MSRA: variants seen among roughly 807,000 people sequenced by gnomAD.
MSRA encodes methionine sulfoxide reductase A.
Under a neutral mutation model 31.3 loss-of-function variants are expected in MSRA, and 54 were observed. The ratio of observed to expected loss-of-function variants is 1.73; its 90% CI spans 1.39 to 2.17. MSRA has a LOEUF of 2.17. Among genes scored for constraint, MSRA ranks in the 30% most tolerant of loss-of-function variants. The pLI is 0.00. For synonymous variants in MSRA, 169 were observed against 116.5 expected (o/e 1.45, Z -2.90); for missense variants, 507 against 300.9 (o/e 1.69, Z -5.07).
intron 1 of MSRA, among the ~76,000 whole-genome samples, chr8:10,090,654 A>G (rs939048331): frequency 6.6e-6 from 1 of 152,206 alleles, no homozygotes; most frequent in Non-Finnish European, 1.5e-5. Context: ...GTTCACTCCA[A>G]AAGGAAACCC....
At chr8:10,400,844 C>G (rs147968529) in intron 5 of MSRA, among the ~76,000 whole-genome samples, 1 of 152,164 alleles carries the variant, frequency 6.6e-6, no homozygotes, top group Non-Finnish European at 1.5e-5. Flanking sequence ...GAAGCTGGAT[C>G]CTTACCTCAC....
chr8:10,086,487 GT>G (rs1798563480), intron 1 of MSRA, among the ~76,000 whole-genome samples: 4 of 152,160 alleles, frequency 2.6e-5, no homozygotes, highest in Admixed American at 2.6e-4. Flanking sequence ...ACCTGGGATG[GT>G]TGCTTGAAAT....
chr8:10,146,341 A>G (rs1251299946), intron 1 of MSRA, among the ~76,000 whole-genome samples: 1 of 152,208 alleles, frequency 6.6e-6, no homozygotes, highest in Admixed American at 6.5e-5. Flanking sequence ...AAACACAGAA[A>G]TAAAAGAAAG....
intron 4 of MSRA, among the ~76,000 whole-genome samples, chr8:10,311,888 G>A (rs1434164655): frequency 6.6e-6 from 1 of 152,196 alleles, no homozygotes; most frequent in Non-Finnish European, 1.5e-5. Context: ...CTGCACACCA[G>A]CCTGGGCAAC....
intron 5 of MSRA, among the ~76,000 whole-genome samples, chr8:10,346,064 T>A (rs1034592856): frequency 1.3e-5 from 2 of 152,246 alleles, no homozygotes; most frequent in African/African-American, 2.4e-5. Flanking sequence ...TACATGTTTG[T>A]GAGGGCAGCT....
At chr8:10,078,961 C>T (rs574500480) in intron 1 of MSRA, among the ~76,000 whole-genome samples, 8 of 152,152 alleles carry the variant, frequency 5.3e-5, no homozygotes, top group Non-Finnish European at 2.9e-5. Context: ...TCATGTGAGC[C>T]ACACTTAGAA....
At position 10,271,453 on chromosome 8, in the gene MSRA, G is replaced by A. The variant is rs546145945; in HGVS notation, c.331+26230G>A. On this transcript the variant is annotated intron_variant, in intron 3 of 5. Coordinates refer to ENST00000317173, the MANE Select transcript of MSRA (RefSeq NM_012331.5). ...ACTAAGGGATGGAAATTGACTAGGGGAAAAATAACTTTAAAAAACTTTTTT... is the reference window on the plus strand; with the variant it reads ...ACTAAGGGATGGAAATTGACTAGGGAAAAAATAACTTTAAAAAACTTTTTT... 1.0e-3 allele frequency among the ~76,000 whole-genome samples: 20 copies of A among 19,456 alleles called. No individual in the cohort carries two copies. The East Asian group carries it at 0.064, about 62-fold the overall frequency. The allele number at this position is 19,456 out of a possible 152,430, so 12.8% of individuals were successfully genotyped here.
At chr8:10,383,431 C>G (rs1806197705) in intron 5 of MSRA, among the ~76,000 whole-genome samples, 2 of 152,178 alleles carry the variant, frequency 1.3e-5, no homozygotes, top group African/African-American at 4.8e-5. Context: ...CCTATTCTAA[C>G]TCAAGCAGCT....
intron 5 of MSRA, among the ~76,000 whole-genome samples, chr8:10,332,547 T>G (rs1204257360): frequency 6.6e-6 from 1 of 151,846 alleles, no homozygotes; most frequent in African/African-American, 2.4e-5. Context: ...TATTATGAAC[T>G]CTAAATAAGA....
intron 1 of MSRA, among the ~76,000 whole-genome samples, chr8:10,077,057 A>AAG (rs1165265888): frequency 9.9e-5 from 15 of 151,900 alleles, no homozygotes; most frequent in African/African-American, 3.4e-4. Context: ...AAAAAAAAAA[A>AAG]AAAAGAGCAG....
chr8:10,230,766 C>A (rs1228045753), intron 2 of MSRA, among the ~76,000 whole-genome samples: 1 of 152,044 alleles, frequency 6.6e-6, no homozygotes, highest in Non-Finnish European at 1.5e-5. Context: ...TTGCATCTTA[C>A]CTATTTGTGG....
At chr8:10,317,747 A>G (rs1208302105) in intron 4 of MSRA, among the ~76,000 whole-genome samples, 1 of 152,150 alleles carries the variant, frequency 6.6e-6, no homozygotes, top group Non-Finnish European at 1.5e-5. Flanking sequence ...ATTTTTCCTC[A>G]TAGTTTTTCA....
intron 3 of MSRA, among the ~76,000 whole-genome samples, chr8:10,299,130 C>A (rs1247438066): frequency 2.6e-5 from 4 of 152,180 alleles, no homozygotes; most frequent in Non-Finnish European, 4.4e-5. Flanking sequence ...TATTTGCTTT[C>A]ATTTTGATCA....
At chr8:10,313,291 C>A (rs1316058797) in intron 4 of MSRA, among the ~76,000 whole-genome samples, 1 of 152,182 alleles carries the variant, frequency 6.6e-6, no homozygotes, top group African/African-American at 2.4e-5. Context: ...GGTGGTGAAG[C>A]TTCTGTCAGC....
chr8:10,426,868 C>A (rs1809199419), intron 5 of MSRA, among the ~76,000 whole-genome samples: 1 of 152,152 alleles, frequency 6.6e-6, no homozygotes, highest in South Asian at 2.1e-4. Context: ...AGAATGGCTC[C>A]TCATTCTCAT....
intron 1 of MSRA, among the ~76,000 whole-genome samples, chr8:10,197,292 G>T (rs1808076181): frequency 6.6e-6 from 1 of 152,136 alleles, no homozygotes; most frequent in African/African-American, 2.4e-5. Context: ...GTACTTAAAT[G>T]TGGCAATTAA....
At chr8:10,290,316 A>G (rs1303731715) in intron 3 of MSRA, among the ~76,000 whole-genome samples, 2 of 152,188 alleles carry the variant, frequency 1.3e-5, no homozygotes, top group Non-Finnish European at 2.9e-5. Flanking sequence ...GGCATGAACT[A>G]CTTTGAGAAT....
intron 5 of MSRA, among the ~76,000 whole-genome samples, chr8:10,360,281 C>G (rs1804769458): frequency 6.6e-6 from 1 of 152,150 alleles, no homozygotes. Context: ...CTATTGCTTC[C>G]CTCTGTTTTC....
intron 1 of MSRA, among the ~76,000 whole-genome samples, chr8:10,063,424 T>C (rs548107769): frequency 2.0e-5 from 3 of 152,214 alleles, no homozygotes; most frequent in African/African-American, 7.2e-5. Flanking sequence ...CTTGCTGTAA[T>C]TTGCTGCTGG....
Sources: allele counts gnomAD v4.1 joint callset (sites outside exome capture counted in the v4.1 genomes callset), GRCh38; gene constraint gnomAD v4.1.1; transcripts MANE v1.5; gene names NCBI Gene and HGNC (gene_info 2026-07-23, HGNC 2026-07-21).